CSNK1G3: variants seen among roughly 807,000 people sequenced by gnomAD.
CSNK1G3 encodes casein kinase I isoform gamma-3.
In CSNK1G3, 23 loss-of-function variants were observed where a neutral mutation model predicts 64.3. That is an observed-to-expected ratio of 0.36 (90% confidence interval 0.26 to 0.51). CSNK1G3 has a LOEUF of 0.51. Ranked by LOEUF, CSNK1G3 falls within the 20% of genes least tolerant of loss-of-function variation. CSNK1G3 has a pLI of 0.96. For missense variants in CSNK1G3, 357 were observed against 510.5 expected, an observed-to-expected ratio of 0.70 and a Z score of 2.90; for synonymous variants, 158 against 162.2, an observed-to-expected ratio of 0.97 and a Z score of 0.20.
intron 6 of CSNK1G3, among the ~76,000 whole-genome samples, chr5:123,586,118 C>G (rs527410727): frequency 6.6e-6 from 1 of 152,112 alleles, no homozygotes; most frequent in Non-Finnish European, 1.5e-5. Flanking sequence ...TATGGTTGCA[C>G]GTAACAACAT....
chr5:123,575,235 G>A (rs1788939425), intron 5 of CSNK1G3, among the ~76,000 whole-genome samples: 1 of 152,080 alleles, frequency 6.6e-6, no homozygotes. Context: ...AAAAAGTAAA[G>A]GAAACATGTT....
intron 4 of CSNK1G3, among the ~76,000 whole-genome samples, chr5:123,561,637 GTAA>G (rs1417239184): frequency 2.6e-5 from 4 of 152,132 alleles, no homozygotes; most frequent in Non-Finnish European, 5.9e-5. Flanking sequence ...TACTATTTGT[GTAA>G]AGACAACTTC....
intron 12 of CSNK1G3, among the ~76,000 whole-genome samples, chr5:123,605,644 A>G (rs952261557): frequency 6.6e-6 from 1 of 152,042 alleles, no homozygotes; most frequent in African/African-American, 2.4e-5. Context: ...GTGCTTGTGC[A>G]TTTGTTTTAT....
At chr5:123,615,508 T>C (rs1269826909) in exon 13 of CSNK1G3, 1 of 152,576 alleles carries the variant, frequency 6.6e-6, no homozygotes, top group Non-Finnish European at 1.5e-5. Context: ...TCCTACTCTT[T>C]AGCATAATTT....
chr5:123,606,903 A>G (rs938629912), intron 12 of CSNK1G3, among the ~76,000 whole-genome samples: 1 of 152,196 alleles, frequency 6.6e-6, no homozygotes. Flanking sequence ...GTACTAGTAT[A>G]TGTCAGTATG....
rs561567042 is a variant in CSNK1G3, at chr5:123,529,443, T to G, written c.-247-15974T>G. Among the ~76,000 whole-genome samples the G allele has an allele frequency of 1.8e-4, 28 of 152,234 alleles. No individual in the cohort carries two copies. The South Asian group carries it at 5.4e-3, about 29-fold the overall frequency. On this transcript the variant is annotated intron_variant, in intron 1 of 12. Transcript: ENST00000345990. ...GTATTAAAAATGTACTACAGAAAGT[T>G]GTGGGTAATGGAAGTAGATAGATCA... is the stretch of plus-strand genomic sequence containing the variant.
chr5:123,531,783 A>G (rs1779976810), intron 1 of CSNK1G3, among the ~76,000 whole-genome samples: 1 of 151,942 alleles, frequency 6.6e-6, no homozygotes, highest in South Asian at 2.1e-4. Flanking sequence ...TATTTTTAGT[A>G]GTAGATGGAT....
intron 1 of CSNK1G3, among the ~76,000 whole-genome samples, chr5:123,545,052 C>G (rs1782296557): frequency 6.6e-6 from 1 of 151,912 alleles, no homozygotes; most frequent in Non-Finnish European, 1.5e-5. Flanking sequence ...CATTCTCTTT[C>G]TACTTTTAAA....
intron 6 of CSNK1G3, among the ~76,000 whole-genome samples, chr5:123,586,181 T>C (rs1457110804): frequency 6.6e-6 from 1 of 152,204 alleles, no homozygotes; most frequent in Non-Finnish European, 1.5e-5. Flanking sequence ...GAATCTATAC[T>C]GTATGATTCC....
chr5:123,544,234 G>T (rs775587253), intron 1 of CSNK1G3, among the ~76,000 whole-genome samples: 10 of 152,140 alleles, frequency 6.6e-5, no homozygotes, highest in Non-Finnish European at 1.5e-4. Context: ...TTTTCAGTCA[G>T]CTCCTCTCTT....
intron 4 of CSNK1G3, among the ~76,000 whole-genome samples, chr5:123,569,383 T>A (rs1787616787): frequency 6.6e-6 from 1 of 152,208 alleles, no homozygotes. Flanking sequence ...TAAAGGTCAG[T>A]TACAATGTAG....
chr5:123,588,589 A>AT lies in CSNK1G3; in HGVS notation c.844+85dup, dbSNP rs1046151302. The AT allele has an allele frequency of 4.5e-6, 4 of 898,556 alleles. No individual in the cohort carries two copies. The African/African-American group carries it at 5.2e-5, about 12-fold the overall frequency. 55.7% of individuals were successfully genotyped at this position (898,556 alleles called of 1,614,324 possible). ...ATTTTTATTGCTTAAGTTTATACAT[A>AT]TTTTTTTCTATGCTTAAAAAAAAAA... On this transcript the variant is annotated intron_variant, in intron 8 of 12. Transcript: ENST00000345990.
At chr5:123,530,745 CTG>C (rs1779783761) in intron 1 of CSNK1G3, among the ~76,000 whole-genome samples, 1 of 152,168 alleles carries the variant, frequency 6.6e-6, no homozygotes, top group African/African-American at 2.4e-5. Flanking sequence ...AGTTTCAAAA[CTG>C]TAAAGTGTTG....
rs1167111318 is a variant in CSNK1G3 at position 123,564,865 on chromosome 5, A to G, written c.289+7301A>G. Among the ~76,000 whole-genome samples, 6 of 152,296 alleles carry G rather than the reference A, an allele frequency of 3.9e-5. No homozygotes were observed. The East Asian group carries it at 7.7e-4, about 20-fold the overall frequency. On this transcript the variant is annotated intron_variant, in intron 4 of 12. Coordinates refer to ENST00000345990, the Ensembl canonical transcript of CSNK1G3. Reference sequence around the variant, plus strand: ...CATAATTCAGTTCACCTGTTGGTTCATAGCAGCGCTTACTATTCAGCTAGG... The same window carrying G: ...CATAATTCAGTTCACCTGTTGGTTCGTAGCAGCGCTTACTATTCAGCTAGG...
intron 4 of CSNK1G3, among the ~76,000 whole-genome samples, chr5:123,567,204 C>T (rs1787084512): frequency 6.6e-6 from 1 of 152,196 alleles, no homozygotes; most frequent in Non-Finnish European, 1.5e-5. Flanking sequence ...TCAGTCACCT[C>T]CCACTGGGTT....
exon 13 of CSNK1G3, chr5:123,614,586 CT>C: frequency 2.1e-6 from 1 of 478,750 alleles, no homozygotes; most frequent in African/African-American, 2.1e-5. Context: ...CTAATTTAAC[CT>C]TTATGGAAGC....
At chr5:123,605,115 G>T (rs1311622434) in intron 11 of CSNK1G3, among the ~76,000 whole-genome samples, 1 of 152,012 alleles carries the variant, frequency 6.6e-6, no homozygotes. Context: ...ATGCATGAAA[G>T]TTATTGATGT....
chr5:123,585,160 T>C (rs1279187121), intron 6 of CSNK1G3, among the ~76,000 whole-genome samples: 2 of 152,136 alleles, frequency 1.3e-5, no homozygotes, highest in Non-Finnish European at 2.9e-5. Context: ...AATAGACTTA[T>C]ACATAGATGG....
chr5:123,537,915 A>G (rs1392551315), intron 1 of CSNK1G3, among the ~76,000 whole-genome samples: 2 of 152,206 alleles, frequency 1.3e-5, no homozygotes, highest in African/African-American at 2.4e-5. Flanking sequence ...AGAGCCAAAT[A>G]TAACTAGAAT....
Sources: allele counts gnomAD v4.1 joint callset (sites outside exome capture counted in the v4.1 genomes callset), GRCh38; gene constraint gnomAD v4.1.1; transcripts MANE v1.5; gene names NCBI Gene and HGNC (gene_info 2026-07-23, HGNC 2026-07-21).